MTF2: variants seen among roughly 807,000 people sequenced by gnomAD.
MTF2 encodes metal response element binding transcription factor 2.
Under a neutral mutation model 79.5 loss-of-function variants are expected in MTF2, and 11 were observed. The observed-to-expected ratio is 0.14, with a 90% CI of 0.09 to 0.23. MTF2 has a LOEUF of 0.23. Among genes scored for constraint, MTF2 ranks in the 10% least tolerant of loss-of-function variants. The pLI is 1.00. For missense variants in MTF2, 486 were observed against 711.2 expected, an observed-to-expected ratio of 0.68 and a Z score of 3.60; for synonymous variants, 208 against 232.8, an observed-to-expected ratio of 0.89 and a Z score of 0.97.
At chr1:93,102,416 AC>A (rs1432692451) in intron 1 of MTF2, among the ~76,000 whole-genome samples, 2 of 151,482 alleles carry the variant, frequency 1.3e-5, no homozygotes, top group Non-Finnish European at 2.9e-5. Flanking sequence ...TCCCATTCCT[AC>A]TAAAAATTAT....
chr1:93,119,396 A>G lies in MTF2; in HGVS notation c.792A>G (p.Leu264=), dbSNP rs1178237397. 1.9e-6 allele frequency: 3 copies of G among 1,598,870 alleles called. No homozygotes were observed. Among genetic ancestry groups the G allele is most frequent in the Non-Finnish European group, 1.7e-6 (2 of 1,172,282 alleles). Residue 264 remains leucine (L), a synonymous_variant, in exon 8 of 15, where the codon TTA becomes TTG. Transcript: ENST00000370298. ...CAGAATACCTCAAACGTCTACCATT[A>G]CAGTGGTAAGTGTGGACCTTTCTGT... ...SGPEYLKRLP[L]QWVDIAHLCL...
chr1:93,133,628 C>T (rs1022525937), intron 11 of MTF2, 75 bp from the exon 12 acceptor site: 11 of 824,034 alleles, frequency 1.3e-5, no homozygotes, highest in Non-Finnish European at 2.0e-5. Context: ...GTATATGTGT[C>T]TAGTTACATA....
chr1:93,097,995 T>C (rs990924683), intron 1 of MTF2, among the ~76,000 whole-genome samples: 5 of 152,206 alleles, frequency 3.3e-5, no homozygotes, highest in African/African-American at 1.2e-4. Context: ...TGAGAATCGA[T>C]GTGTGCCAGG....
At chr1:93,080,070 A>G (rs1428473990) in intron 1 of MTF2, among the ~76,000 whole-genome samples, 1 of 152,140 alleles carries the variant, frequency 6.6e-6, no homozygotes, top group African/African-American at 2.4e-5. Context: ...AGGGGAACAC[A>G]CTGAAGTGGA....
At chr1:93,129,050 T>C (rs925581985) in intron 10 of MTF2, 1 of 342,612 alleles carries the variant, frequency 2.9e-6, no homozygotes, top group Admixed American at 4.7e-5. Flanking sequence ...AAAAGAAAAG[T>C]GGACATGTGC....
intron 2 of MTF2, 37 bp downstream of exon 2, chr1:93,110,465 G>A (rs1418215238): frequency 6.2e-7 from 1 of 1,608,850 alleles, no homozygotes; most frequent in African/African-American, 1.3e-5. Flanking sequence ...TGTTTTTGCA[G>A]TAAGCATTTA....
intron 1 of MTF2, among the ~76,000 whole-genome samples, chr1:93,088,230 A>G (rs755904035): frequency 2.6e-5 from 4 of 152,218 alleles, no homozygotes; most frequent in African/African-American, 4.8e-5. Flanking sequence ...AGTGTAATCA[A>G]CTTTATAAAT....
chr1:93,087,685 T>C (rs1353672101), intron 1 of MTF2, among the ~76,000 whole-genome samples: 1 of 152,198 alleles, frequency 6.6e-6, no homozygotes, highest in Admixed American at 6.5e-5. Context: ...TCTGAAAATA[T>C]TCTTGGCCTT....
At chr1:93,114,955 C>T (rs780602327) in intron 4 of MTF2, 33 bp from the exon 5 acceptor site, 4 of 1,481,616 alleles carry the variant, frequency 2.7e-6, no homozygotes, top group Non-Finnish European at 3.7e-6. Flanking sequence ...ATTAATGAAA[C>T]CGAATTTGCT....
At position 93,079,307 on chromosome 1, in the gene MTF2, A is replaced by G; in HGVS notation, c.-220A>G. ...CAGTCCGCGGGAAACCAAAATGGCGAGGGGCTGTATTGAAGTGGGCTGTGT... is the reference window on the plus strand; with the variant it reads ...CAGTCCGCGGGAAACCAAAATGGCGGGGGGCTGTATTGAAGTGGGCTGTGT... On this transcript the variant is annotated 5_prime_UTR_variant, in exon 1 of 15. Transcript: ENST00000370298. The G allele has an allele frequency of 1.8e-6, 1 of 548,504 alleles. No individual in the cohort carries two copies. Among genetic ancestry groups the G allele is most frequent in the South Asian group, 2.4e-5 (1 of 42,040 alleles). 34.0% of individuals were successfully genotyped at this position (548,504 alleles called of 1,614,324 possible).
At chr1:93,098,056 T>C (rs771749871) in intron 1 of MTF2, among the ~76,000 whole-genome samples, 1 of 152,236 alleles carries the variant, frequency 6.6e-6, no homozygotes, top group Non-Finnish European at 1.5e-5. Context: ...GTCTCTACTC[T>C]TATAGCTTGG....
At position 93,132,936 on chromosome 1, in the gene MTF2, A is replaced by G. The variant is rs141178170; in HGVS notation, c.1161-767A>G. ...CCATATTATCTAATATCATCTTTATATGGTAGCTATTGCTGAGTAAATGAA... is the reference window on the plus strand; with the variant it reads ...CCATATTATCTAATATCATCTTTATGTGGTAGCTATTGCTGAGTAAATGAA... On this transcript the variant is annotated intron_variant, in intron 11 of 14. Transcript: ENST00000370298. Among the ~76,000 whole-genome samples the G allele has an allele frequency of 1.7e-3, 257 of 152,198 alleles. 1 individual carries two copies. The highest frequency in any genetic ancestry group is 3.4e-3 in the Middle Eastern group (1 of 294).
At chr1:93,080,471 G>C (rs919306034) in intron 1 of MTF2, among the ~76,000 whole-genome samples, 1 of 152,150 alleles carries the variant, frequency 6.6e-6, no homozygotes. Flanking sequence ...AAAGGCTTAT[G>C]GAATGTTACT....
rs11354863 is a variant in MTF2, at chr1:93,126,481, CTT to C, written c.922-740_922-739del. On this transcript the variant is annotated intron_variant, in intron 9 of 14. Coordinates refer to ENST00000370298, the MANE Select transcript of MTF2 (RefSeq NM_007358.4). ...GTCAACTGTGATATTTTGGAAGCAG[CTT>C]TTTTTTTTTTAAGGTGTTTGTAGCA... 4.9e-4 allele frequency among the ~76,000 whole-genome samples: 73 copies of C among 147,852 alleles called. No individual in the cohort carries two copies. In the East Asian group the frequency reaches 8.5e-3, roughly 17 times the overall value.
rs559661027 is a variant in MTF2, at chr1:93,128,330, G to C, written c.990-948G>C. On this transcript the variant is annotated intron_variant, in intron 10 of 14. Transcript: ENST00000370298. ...CCCAGCACTTTGGGAAGCCGAGGCA[G>C]GCAGATCACCTGGGGTCAGGAGTTT... Among the ~76,000 whole-genome samples, 3 of 152,152 alleles carry C rather than the reference G, an allele frequency of 2.0e-5. No homozygotes were observed. The East Asian group carries it at 5.8e-4, about 29-fold the overall frequency.
chr1:93,100,630 G>T (rs570597172), intron 1 of MTF2, among the ~76,000 whole-genome samples: 47 of 152,244 alleles, frequency 3.1e-4, no homozygotes, highest in African/African-American at 1.0e-3. Context: ...CTAAAACTAA[G>T]GAGTAGAGCT....
At chr1:93,105,803 G>A (rs760595876) in intron 1 of MTF2, among the ~76,000 whole-genome samples, 6 of 152,062 alleles carry the variant, frequency 3.9e-5, no homozygotes, top group Non-Finnish European at 7.4e-5. Context: ...AGCCTCCTGA[G>A]TAGCTGGGAT....
rs1287249322 is a variant in MTF2, at chr1:93,137,121, A to C, written c.*94A>C. 2 of 1,081,582 alleles carry C rather than the reference A, an allele frequency of 1.8e-6. No homozygotes were observed. Among genetic ancestry groups the C allele is most frequent in the African/African-American group, 3.2e-5 (2 of 63,378 alleles). The allele number at this position is 1,081,582 out of a possible 1,614,324, so 67.0% of individuals were successfully genotyped here. A position where few individuals can be genotyped will look rare whatever the true frequency, so the allele number is the denominator to read the frequency against. On this transcript the variant is annotated 3_prime_UTR_variant, in exon 15 of 15. Coordinates refer to ENST00000370298, the MANE Select transcript of MTF2 (RefSeq NM_007358.4). ...GTCTGGCTTTTACTATCTTTCTTAA[A>C]AAAAAAAAAAAGTCAAAAAAATTCA...
In MTF2 at chr1:93,115,387, A is replaced by G. The variant is rs988054529; in HGVS notation, c.484-83A>G. On this transcript the variant is annotated intron_variant, in intron 5 of 14. Coordinates refer to ENST00000370298, the MANE Select transcript of MTF2 (RefSeq NM_007358.4). ...AGTTTGGAAAGGAAATTTCTCCAGAAGTGTCAGAGTCGTTTTTAAAGTATA... is the reference window on the plus strand; with the variant it reads ...AGTTTGGAAAGGAAATTTCTCCAGAGGTGTCAGAGTCGTTTTTAAAGTATA... 41 of 1,115,466 alleles carry G rather than the reference A, an allele frequency of 3.7e-5. No homozygotes were observed. In the African/African-American group the frequency reaches 6.2e-4, roughly 17 times the overall value. The allele number at this position is 1,115,466 out of a possible 1,614,324, so 69.1% of individuals were successfully genotyped here. A position where few individuals can be genotyped will look rare whatever the true frequency, so the allele number is the denominator to read the frequency against.
Sources: gnomAD v4.1 joint callset for allele counts (sites outside exome capture counted in the v4.1 genomes callset) on GRCh38, gnomAD v4.1.1 for gene constraint, MANE v1.5 for transcripts, NCBI Gene and HGNC (gene_info 2026-07-23, HGNC 2026-07-21) for gene names.